SLC24A2: variants seen among roughly 807,000 people sequenced by gnomAD.
SLC24A2 encodes the protein sodium/potassium/calcium exchanger 2.
Under a neutral mutation model 62.0 loss-of-function variants are expected in SLC24A2, and 36 were observed. That is an observed-to-expected ratio of 0.58 (90% CI 0.44 to 0.77). The LOEUF is 0.77. Ranked by LOEUF, SLC24A2 falls within the 30% of genes least tolerant of loss-of-function variation. The pLI, the probability that SLC24A2 is intolerant of heterozygous loss-of-function variation, is 0.00. For missense variants in SLC24A2, 846 were observed against 817.9 expected (o/e 1.03, Z -0.42); for synonymous variants, 358 against 294.0 (o/e 1.22, Z -2.23).
chr9:19,710,549 A>C (rs1207380200), intron 2 of SLC24A2, among the ~76,000 whole-genome samples: 7 of 152,198 alleles, frequency 4.6e-5, no homozygotes, highest in Admixed American at 3.3e-4. Flanking sequence ...AATATGAGAA[A>C]GAACACAAAT....
chr9:20,095,056 A>G, the SLC24A2 span, among the ~76,000 whole-genome samples: 1 of 152,228 alleles, frequency 6.6e-6, no homozygotes, highest in East Asian at 1.9e-4. Context: ...AAAAAATATT[A>G]AAACAAATTA....
At chr9:19,979,732 C>A in the SLC24A2 span, among the ~76,000 whole-genome samples, 1 of 152,132 alleles carries the variant, frequency 6.6e-6, no homozygotes, top group Non-Finnish European at 1.5e-5. Context: ...CTAAGGTAAT[C>A]CTCTCCATTG....
chr9:19,779,214 G>C lies in SLC24A2; in HGVS notation c.930+6723C>G, dbSNP rs1822937394. 2.6e-5 allele frequency among the ~76,000 whole-genome samples: 4 copies of C among 152,212 alleles called. No individual in the cohort carries two copies. In the South Asian group the frequency reaches 8.3e-4, roughly 32 times the overall value. ...GGCAGACTATAGGAAGATTGGGGTA[G>C]AGGCAAAATTGTTGGGAGGCACTAA... On this transcript the variant is annotated intron_variant, in intron 2 of 10. Coordinates refer to ENST00000341998, the MANE Select transcript of SLC24A2 (RefSeq NM_020344.4).
At chr9:20,191,791 G>C in the SLC24A2 span, among the ~76,000 whole-genome samples, 1 of 151,984 alleles carries the variant, frequency 6.6e-6, no homozygotes, top group Non-Finnish European at 1.5e-5. Flanking sequence ...TGTGTGGATA[G>C]ATCATAAAAG....
At chr9:19,955,989 T>C in the SLC24A2 span, among the ~76,000 whole-genome samples, 2 of 152,244 alleles carry the variant, frequency 1.3e-5, no homozygotes, top group Non-Finnish European at 2.9e-5. Context: ...TTGCTCTGTG[T>C]AATGCATAAA....
At chr9:20,123,613 A>G in the SLC24A2 span, among the ~76,000 whole-genome samples, 15 of 152,348 alleles carry the variant, frequency 9.8e-5, no homozygotes, top group African/African-American at 3.6e-4. Context: ...ATAACTGTAC[A>G]ATAGAAAAAA....
the SLC24A2 span, among the ~76,000 whole-genome samples, chr9:19,917,338 G>C: frequency 9.5e-5 from 13 of 137,130 alleles, no homozygotes; most frequent in African/African-American, 3.1e-4. Context: ...CTGATCTTGA[G>C]TTTTCTTTTT....
At chr9:20,116,930 A>AT in the SLC24A2 span, among the ~76,000 whole-genome samples, 1 of 152,178 alleles carries the variant, frequency 6.6e-6, no homozygotes, top group Non-Finnish European at 1.5e-5. Flanking sequence ...ATAATCAAAC[A>AT]TAAGATCAGT....
chr9:20,294,254 G>A, the SLC24A2 span, among the ~76,000 whole-genome samples: 5 of 152,110 alleles, frequency 3.3e-5, no homozygotes, highest in Non-Finnish European at 5.9e-5. Flanking sequence ...TGAATGCAGA[G>A]AAGCCATGAG....
chr9:19,715,792 C>A (rs1251166106), intron 2 of SLC24A2, among the ~76,000 whole-genome samples: 1 of 152,202 alleles, frequency 6.6e-6, no homozygotes, highest in African/African-American at 2.4e-5. Flanking sequence ...AAGCCTAAAA[C>A]CAGGCAAAGT....
intron 7 of SLC24A2, among the ~76,000 whole-genome samples, chr9:19,562,498 T>A (rs964778830): frequency 2.6e-5 from 4 of 152,196 alleles, no homozygotes; most frequent in Non-Finnish European, 4.4e-5. Context: ...AGGCAGAAAC[T>A]CTAGAGTCTG....
intron 2 of SLC24A2, among the ~76,000 whole-genome samples, chr9:19,638,779 T>C (rs1367639867): frequency 1.0e-4 from 1 of 10,034 alleles, no homozygotes; most frequent in Non-Finnish European, 1.9e-4. Flanking sequence ...TCAGATTAAA[T>C]AAGATGACAT....
chr9:19,928,381 G>A, the SLC24A2 span: 1 of 152,278 alleles, frequency 6.6e-6, no homozygotes, highest in Non-Finnish European at 1.5e-5. Context: ...TGGAAGGAGA[G>A]GTTTCTGGGT....
chr9:19,974,143 C>A, the SLC24A2 span, among the ~76,000 whole-genome samples: 1 of 152,218 alleles, frequency 6.6e-6, no homozygotes, highest in Non-Finnish European at 1.5e-5. Context: ...TTCTACTTTA[C>A]TTATAGGTGC....
the SLC24A2 span, among the ~76,000 whole-genome samples, chr9:19,983,448 T>C: frequency 6.6e-6 from 1 of 152,022 alleles, no homozygotes; most frequent in Admixed American, 6.6e-5. Flanking sequence ...ATCGAGACCA[T>C]ACTGGCCAAC....
chr9:20,166,865 G>T, the SLC24A2 span, among the ~76,000 whole-genome samples: 2 of 151,970 alleles, frequency 1.3e-5, no homozygotes, highest in African/African-American at 4.8e-5. Context: ...AAACTCAACT[G>T]AATTTATTTT....
chr9:19,886,687 C>A, the SLC24A2 span, among the ~76,000 whole-genome samples: 1 of 152,192 alleles, frequency 6.6e-6, no homozygotes, highest in Non-Finnish European at 1.5e-5. Context: ...TTTGACCCAG[C>A]AATCCCATTA....
intron 2 of SLC24A2, among the ~76,000 whole-genome samples, chr9:19,732,988 C>T (rs1418499477): frequency 2.0e-5 from 3 of 152,038 alleles, no homozygotes; most frequent in African/African-American, 4.8e-5. Flanking sequence ...GGAGGTATCC[C>T]TTAGACCATT....
At chr9:20,185,445 C>G in the SLC24A2 span, among the ~76,000 whole-genome samples, 1 of 151,960 alleles carries the variant, frequency 6.6e-6, no homozygotes, top group South Asian at 2.1e-4. Context: ...GTGGGCGGAT[C>G]AAGAGGTCAG....
Sources: gnomAD v4.1 joint callset for allele counts (sites outside exome capture counted in the v4.1 genomes callset) on GRCh38, gnomAD v4.1.1 for gene constraint, MANE v1.5 for transcripts, NCBI Gene and HGNC (gene_info 2026-07-23, HGNC 2026-07-21) for gene names.